Variants in EPG5 observed in about 807,000 individuals in gnomAD.
The protein encoded by EPG5 is ectopic P-granules 5 autophagy tethering factor.
EPG5 carries 159 observed loss-of-function variants against 302.7 expected under a neutral mutation model. The ratio of observed to expected loss-of-function variants is 0.53; its 90% CI spans 0.46 to 0.60. EPG5 has a LOEUF of 0.60. Ranked by LOEUF, EPG5 falls within the 20% of genes least tolerant of loss-of-function variation. The probability of loss-of-function intolerance (pLI) is 0.00; values close to 1 mark genes in which losing one functional copy is unlikely to be tolerated. For missense variants in EPG5, 2,896 were observed against 3,092.4 expected (o/e 0.94, Z 1.51); for synonymous variants, 1,158 against 1,136.8 (o/e 1.02, Z -0.37).
rs11333207 is a variant in EPG5 at position 45,865,765 on chromosome 18, C to CAAAAAAAAAAA, written c.6622-17_6622-7dup. On this transcript the variant is annotated splice_region_variant and splice_polypyrimidine_tract_variant and intron_variant, in intron 38 of 43. Transcript: ENST00000282041. The stretch of plus-strand genomic sequence containing the variant: ...TGGCATTTTGGAACTGCATCCTGAC[C>CAAAAAAAAAAA]AAAAAAAAAAAAAAAAATCATTCAA... 6.5e-4 allele frequency: 919 copies of CAAAAAAAAAAA among 1,410,880 alleles called. 4 individuals carry two copies. In the African/African-American group the frequency reaches 0.011, roughly 17 times the overall value. 87.4% of individuals were successfully genotyped at this position (1,410,880 alleles called of 1,614,324 possible).
intron 39 of EPG5, among the ~76,000 whole-genome samples, chr18:45,864,698 G>A (rs2048709436): frequency 6.6e-6 from 1 of 152,158 alleles, no homozygotes; most frequent in Non-Finnish European, 1.5e-5. Context: ...CCAGATGCTG[G>A]TGGCACCGCC....
intron 39 of EPG5, among the ~76,000 whole-genome samples, chr18:45,862,681 T>C (rs1007887910): frequency 1.3e-5 from 2 of 152,234 alleles, no homozygotes; most frequent in African/African-American, 4.8e-5. Flanking sequence ...TCTGCCGTGA[T>C]TGTAAGCTTC....
At chr18:45,859,854 T>A (rs1318509969) in intron 40 of EPG5, among the ~76,000 whole-genome samples, 1 of 152,210 alleles carries the variant, frequency 6.6e-6, no homozygotes, top group African/African-American at 2.4e-5. Context: ...AAAACTAACG[T>A]GAAGTGGATT....
downstream of EPG5, among the ~76,000 whole-genome samples, chr18:45,845,952 T>C (rs1036946987): frequency 6.6e-6 from 1 of 152,192 alleles, no homozygotes; most frequent in Admixed American, 6.5e-5. Context: ...ATGGTGAAAG[T>C]AGGCCCTGCC....
At position 45,884,692 on chromosome 18, in the gene EPG5, G is replaced by T; in HGVS notation, c.5229C>A (p.Phe1743Leu). The change falls in exon 30 of 44, where the codon TTC becomes TTA. Residue 1743 changes from phenylalanine to leucine, a missense_variant. This residue lies in a region of EPG5 where 790 missense variants were observed against 798.0 expected (regional missense o/e 0.99). Transcript: ENST00000282041. ...FFTPNAAPAE[F>L]IQLYEQVVKF... ...TCACCACTTGCTCATACAGCTGTAT[G>T]AACTCTGCAGGTGCAGCATTGGGAG... is the stretch of plus-strand genomic sequence containing the variant. The T allele has an allele frequency of 6.2e-7, 1 of 1,611,956 alleles. No individual in the cohort carries two copies. The highest frequency in any genetic ancestry group is 1.1e-5 in the South Asian group (1 of 90,632).
chr18:45,840,362 C>G, the EPG5 span: 1 of 1,168,440 alleles, frequency 8.6e-7, no homozygotes, highest in Non-Finnish European at 1.2e-6. Context: ...CTACTTTGAC[C>G]AGGGGCTGGG....
intron 10 of EPG5, among the ~76,000 whole-genome samples, chr18:45,935,595 CTAA>C (rs1439457334): frequency 6.1e-5 from 6 of 97,796 alleles, no homozygotes; most frequent in Non-Finnish European, 1.0e-4. Flanking sequence ...ACACAGGCTA[CTAA>C]GGCGCACACA....
At position 45,954,689 on chromosome 18, in the gene EPG5, C is replaced by A. The variant is rs370270531; in HGVS notation, c.713G>T (p.Arg238Leu). The A allele has an allele frequency of 3.7e-6, 6 of 1,614,092 alleles. No individual in the cohort carries two copies. Among genetic ancestry groups the A allele is most frequent in the Non-Finnish European group, 5.1e-6 (6 of 1,180,048 alleles). ...PALVAVKPLLRSERLYPELPS... is the reference protein window; with the variant it reads ...PALVAVKPLLLSERLYPELPS... ...GAGTTCTGGGTAGAGTCGCTCACTG[C>A]GAAGCAAGGGTTTCACTGCCACCAA... is the stretch of plus-strand genomic sequence containing the variant. Residue 238 changes from arginine (R) to leucine (L), a missense_variant, in exon 2 of 44, where the codon CGC (arginine) becomes CTC (leucine). Around this residue, in one of 5 missense-constraint regions of EPG5, gnomAD observed 1,390 missense variants for 1,430.0 expected, o/e 0.97. Coordinates refer to ENST00000282041, the MANE Select transcript of EPG5 (RefSeq NM_020964.3).
At chr18:45,846,198 T>A (rs1010083935), downstream of EPG5, among the ~76,000 whole-genome samples, 7 of 152,092 alleles carry the variant, frequency 4.6e-5, no homozygotes, top group Non-Finnish European at 1.0e-4. Flanking sequence ...GCCCCTCATG[T>A]TTCTGGGCCC....
chr18:45,895,218 A>G (rs927549207), intron 27 of EPG5, among the ~76,000 whole-genome samples: 1 of 152,204 alleles, frequency 6.6e-6, no homozygotes, highest in Non-Finnish European at 1.5e-5. Context: ...ATGTGAAATT[A>G]TAGGAAGAAG....
intron 43 of EPG5, among the ~76,000 whole-genome samples, chr18:45,853,504 A>G (rs545656814): frequency 6.6e-6 from 1 of 152,268 alleles, no homozygotes; most frequent in South Asian, 2.1e-4. Flanking sequence ...AAGCTCATCC[A>G]CCCCAGGATT....
chr18:45,815,633 A>T, the EPG5 span, among the ~76,000 whole-genome samples: 1 of 152,196 alleles, frequency 6.6e-6, no homozygotes. Flanking sequence ...TGCTGAAAGA[A>T]ACCATAGATG....
chr18:45,857,258 T>C (rs1400454344), intron 42 of EPG5, among the ~76,000 whole-genome samples: 2 of 152,132 alleles, frequency 1.3e-5, no homozygotes, highest in Non-Finnish European at 2.9e-5. Context: ...TACAGGCATG[T>C]ATCACCATGC....
chr18:45,909,432 G>A (rs545552907), intron 23 of EPG5, among the ~76,000 whole-genome samples: 1 of 152,224 alleles, frequency 6.6e-6, no homozygotes, highest in African/African-American at 2.4e-5. Flanking sequence ...GAGGCTGACA[G>A]AGAGTCGTAA....
At chr18:45,811,738 A>G in the EPG5 span, among the ~76,000 whole-genome samples, 3 of 152,236 alleles carry the variant, frequency 2.0e-5, no homozygotes, top group Admixed American at 1.3e-4. Flanking sequence ...AAAAACTCTC[A>G]ATAAATTGGG....
intron 35 of EPG5, among the ~76,000 whole-genome samples, chr18:45,871,544 G>C (rs2048871893): frequency 6.6e-6 from 1 of 152,188 alleles, no homozygotes; most frequent in Non-Finnish European, 1.5e-5. Flanking sequence ...TCCTTCAAAA[G>C]ATGAATGGAT....
At chr18:45,886,824 A>G (rs1329894831) in intron 29 of EPG5, among the ~76,000 whole-genome samples, 1 of 152,124 alleles carries the variant, frequency 6.6e-6, no homozygotes, top group East Asian at 1.9e-4. Context: ...ACACCCAGCT[A>G]ATTTTGTATT....
chr18:45,922,660 A>C, intron 15 of EPG5, 60 bp from the exon 16 acceptor site: 16 of 1,570,294 alleles, frequency 1.0e-5, no homozygotes, highest in Non-Finnish European at 1.3e-5. Flanking sequence ...CAGTAAGCTC[A>C]TACACTCATC....
chr18:45,914,526 TAAC>T (rs2049985398), intron 20 of EPG5, among the ~76,000 whole-genome samples: 1 of 152,248 alleles, frequency 6.6e-6, no homozygotes, highest in South Asian at 2.1e-4. Flanking sequence ...ATGATAATAA[TAAC>T]AATGGCCAAC....
Sources: gnomAD v4.1 joint callset for allele counts (sites outside exome capture counted in the v4.1 genomes callset) on GRCh38, gnomAD v4.1.1 for gene constraint, gnomAD v4.1.1 regional missense constraint, MANE v1.5 for transcripts, NCBI Gene and HGNC (gene_info 2026-07-23, HGNC 2026-07-21) for gene names.